The following CYP4A22 variants were observed in gnomAD, a reference collection of about 807,000 sequenced individuals.
CYP4A22 encodes the protein cytochrome P450 4A22.
A neutral mutation model predicts 56.2 loss-of-function variants in CYP4A22; 46 were observed. The ratio of observed to expected loss-of-function variants is 0.82; its 90% CI spans 0.65 to 1.05. The LOEUF (loss-of-function observed/expected upper bound fraction) is 1.05, where lower values mean the gene tolerates loss of function less well. Ranked by LOEUF, CYP4A22 falls within the 50% of genes least tolerant of loss-of-function variation. The probability of loss-of-function intolerance (pLI) is 0.00; values close to 1 mark genes in which losing one functional copy is unlikely to be tolerated. For synonymous variants in CYP4A22, 193 were observed against 251.1 expected (o/e 0.77, Z 2.19); for missense variants, 541 against 645.9 (o/e 0.84, Z 1.76).
At position 47,148,661 on chromosome 1, in the gene CYP4A22, T is replaced by C; in HGVS notation, c.1424T>C (p.Leu475Pro). The C allele has an allele frequency of 6.2e-7, 1 of 1,614,096 alleles. No homozygotes were observed. Among genetic ancestry groups the C allele is most frequent in the Non-Finnish European group, 8.5e-7 (1 of 1,179,968 alleles). The change falls in exon 12 of 12, where the codon CTG (leucine) becomes CCG (proline). Residue 475 changes from leucine (L) to proline (P), a missense_variant. Transcript: ENST00000371891. ...NQLKVARALT[L>P]LRFELLPDPT... is the part of the protein sequence containing the mutation. Reference sequence around the variant, plus strand: ...CTGAAGGTGGCCAGGGCCCTGACCCTGCTCCGCTTTGAGCTGCTGCCTGAT... The same window carrying C: ...CTGAAGGTGGCCAGGGCCCTGACCCCGCTCCGCTTTGAGCTGCTGCCTGAT...
rs1454620087 is a variant in CYP4A22, at chr1:47,144,855, G to A, written c.1107G>A (p.Met369Ile). ...GTTTCAGGAACCACCTGGACCAGAT[G>A]CCCTACACCACCATGTGCATTAAGG... ...ASITWNHLDQMPYTTMCIKEA... is the reference protein window; with the variant it reads ...ASITWNHLDQIPYTTMCIKEA... The change falls in exon 9 of 12, where the codon ATG becomes ATA. Residue 369 changes from methionine to isoleucine, a missense_variant. Around this residue, in one of 3 missense-constraint regions of CYP4A22, gnomAD observed 204 missense variants for 258.9 expected, o/e 0.79. Transcript: ENST00000371891. 6.2e-7 allele frequency: 1 copy of A among 1,613,976 alleles called. No individual in the cohort carries two copies. Among genetic ancestry groups the A allele is most frequent in the South Asian group, 1.1e-5 (1 of 91,048 alleles).
rs764489470 is a variant in CYP4A22 at position 47,148,633 on chromosome 1, C to T, written c.1396C>T (p.Gln466Ter). The T allele has an allele frequency of 1.2e-6, 2 of 1,612,388 alleles. No individual in the cohort carries two copies. Among genetic ancestry groups the T allele is most frequent in the African/African-American group, 2.7e-5 (2 of 74,828 alleles). ...NCIGKQFAMNQLKVARALTLL... is the reference protein window; with the variant it reads ...NCIGKQFAMN Reference sequence around the variant, plus strand: ...CATCGGGAAACAATTTGCCATGAACCAGCTGAAGGTGGCCAGGGCCCTGAC... The same window carrying T: ...CATCGGGAAACAATTTGCCATGAACTAGCTGAAGGTGGCCAGGGCCCTGAC... The change falls in exon 12 of 12, where the codon CAG becomes TAG. Residue 466 changes from glutamine to a stop codon, truncating the protein, a stop_gained. Coordinates refer to ENST00000371891, the MANE Select transcript of CYP4A22 (RefSeq NM_001010969.4). LOFTEE classifies it low-confidence loss of function (END_TRUNC).
chr1:47,137,974 T>C (rs1281760957), intron 1 of CYP4A22, among the ~76,000 whole-genome samples: 2 of 152,160 alleles, frequency 1.3e-5, no homozygotes, highest in Admixed American at 6.5e-5. Context: ...CCAGACTGAT[T>C]ACCCCATAAG....
intron 3 of CYP4A22, 114 bp from the exon 4 acceptor site, chr1:47,141,994 T>C (rs1457885665): frequency 2.1e-5 from 31 of 1,463,548 alleles, no homozygotes; most frequent in Non-Finnish European, 2.8e-5. Flanking sequence ...TGGCTTCTTC[T>C]GGATAGTTCT....
intron 9 of CYP4A22, 74 bp from the exon 10 acceptor site, chr1:47,145,792 C>T: frequency 6.3e-7 from 1 of 1,595,140 alleles, no homozygotes; most frequent in Non-Finnish European, 8.5e-7. Context: ...CCTTCTTTTG[C>T]CCCTGCAGGC....
At chr1:47,143,660 T>G (rs1645039162) in intron 5 of CYP4A22, 102 bp from the exon 6 acceptor site, 1 of 1,469,998 alleles carries the variant, frequency 6.8e-7, no homozygotes, top group Non-Finnish European at 9.1e-7. Context: ...GCCTCAAGGC[T>G]GCTTGTCCCC....
chr1:47,141,875 C>T (rs12404941), intron 3 of CYP4A22, among the ~76,000 whole-genome samples: 1 of 152,030 alleles, frequency 6.6e-6, no homozygotes, highest in Non-Finnish European at 1.5e-5. Context: ...TGCCCACAAC[C>T]CTTTTCAACC....
In CYP4A22 at chr1:47,145,930, G is replaced by C. The variant is rs1457976430; in HGVS notation, c.1287G>C (p.Glu429Asp). 1 of 1,613,944 alleles carries C rather than the reference G, an allele frequency of 6.2e-7. No individual in the cohort carries two copies. The highest frequency in any genetic ancestry group is 8.5e-7 in the Non-Finnish European group (1 of 1,180,020). Residue 429 changes from glutamate (E) to aspartate (D), a missense_variant and splice_region_variant, in exon 10 of 12, where the codon GAG becomes GAC. Around this residue, in one of 3 missense-constraint regions of CYP4A22, gnomAD observed 204 missense variants for 258.9 expected, o/e 0.79. Coordinates refer to ENST00000371891, the MANE Select transcript of CYP4A22 (RefSeq NM_001010969.4). ...ACCCAAAAGTGTGGCCCAACCTAGA[G>C]GTATGTGGTCCTTGAGAGGAGGAAA... Reference protein sequence around the residue: ...HHNPKVWPNLEVFDPSRFAPG... With the variant: ...HHNPKVWPNLDVFDPSRFAPG...
intron 3 of CYP4A22, 30 bp from the exon 4 acceptor site, chr1:47,142,078 C>T (rs1207548012): frequency 1.2e-6 from 2 of 1,600,870 alleles, no homozygotes; most frequent in Non-Finnish European, 1.7e-6. Context: ...CTCTGATACA[C>T]ACACATACAC....
intron 11 of CYP4A22, chr1:47,147,509 G>C (rs754838313): frequency 3.6e-5 from 31 of 868,782 alleles, no homozygotes; most frequent in Non-Finnish European, 4.1e-5. Flanking sequence ...GACACACATC[G>C]TTCCATCAAC....
chr1:47,147,263 G>A lies in CYP4A22; in HGVS notation c.1364+1110G>A, dbSNP rs181870582. The A allele has an allele frequency of 2.0e-3, 1,980 of 985,450 alleles. 3 individuals carry two copies. The highest frequency in any genetic ancestry group is 2.3e-3 in the Non-Finnish European group (1,872 of 829,940). 61.0% of individuals were successfully genotyped at this position (985,450 alleles called of 1,614,324 possible). ...CTTGTAAACATTGCCTGCAAATCATGTCGCTGCCACTAGAGAACCGGAGAG... is the reference window on the plus strand; with the variant it reads ...CTTGTAAACATTGCCTGCAAATCATATCGCTGCCACTAGAGAACCGGAGAG... On this transcript the variant is annotated intron_variant, in intron 11 of 11. Transcript: ENST00000371891.
intron 11 of CYP4A22, 136 bp from the exon 12 acceptor site, chr1:47,148,466 G>C: frequency 1.6e-6 from 2 of 1,250,080 alleles, no homozygotes; most frequent in Non-Finnish European, 2.2e-6. Flanking sequence ...TCCGTGGGCT[G>C]TAAGTGTGCA....
At position 47,148,745 on chromosome 1, in the gene CYP4A22, AC is replaced by A; in HGVS notation, c.1510del (p.Leu504CysfsTer101). On this transcript the variant is annotated frameshift_variant, in exon 12 of 12. Coordinates refer to ENST00000371891, the MANE Select transcript of CYP4A22 (RefSeq NM_001010969.4). LOFTEE classifies it low-confidence loss of function (END_TRUNC). ...RLVLKSKNGI[H>X]LRLRRLPNPC... is the part of the protein sequence containing the mutation. ...GTGTTGAAATCCAAAAATGGAATCC[AC>A]CTGCGTCTCAGGAGGCTCCCTAACC... 6.2e-7 allele frequency: 1 copy of A among 1,613,768 alleles called. No individual in the cohort carries two copies.
rs968322 is a variant in CYP4A22, at chr1:47,144,621, C to T, written c.969C>T (p.His323=). Residue 323 remains histidine, a synonymous_variant, in exon 8 of 12, where the codon CAC becomes CAT. Coordinates refer to ENST00000371891, the MANE Select transcript of CYP4A22 (RefSeq NM_001010969.4). ...TGGACACGTTCATGTTTGAGGGCCA[C>T]GACACCACAGCCAGTGGGATCTCCT... ...AEVDTFMFEG[H]DTTASGISWI... The T allele has an allele frequency of 0.18, 242,528 of 1,364,546 alleles. 7,070 individuals carry two copies. Among genetic ancestry groups the T allele is most frequent in the East Asian group, 0.36 (14,152 of 39,016 alleles). The allele number at this position is 1,364,546 out of a possible 1,614,324, so 84.5% of individuals were successfully genotyped here.
Position 47,148,658 on chromosome 1 carries a change from C to T in CYP4A22, c.1421C>T (p.Thr474Ile), listed in dbSNP as rs752306468. The change falls in exon 12 of 12, where the codon ACC (threonine) becomes ATC (isoleucine). Residue 474 changes from threonine to isoleucine, a missense_variant. By Grantham distance (89) the Thr-to-Ile change is moderately conservative. This residue lies in a region of CYP4A22 where 204 missense variants were observed against 258.9 expected (regional missense o/e 0.79). Coordinates refer to ENST00000371891, the MANE Select transcript of CYP4A22 (RefSeq NM_001010969.4). Reference sequence around the variant, plus strand: ...CAGCTGAAGGTGGCCAGGGCCCTGACCCTGCTCCGCTTTGAGCTGCTGCCT... The same window carrying T: ...CAGCTGAAGGTGGCCAGGGCCCTGATCCTGCTCCGCTTTGAGCTGCTGCCT... ...MNQLKVARAL[T>I]LLRFELLPDP... 2.0e-5 allele frequency: 33 copies of T among 1,613,988 alleles called. No homozygotes were observed. The highest frequency in any genetic ancestry group is 2.5e-5 in the Non-Finnish European group (30 of 1,179,980).
chr1:47,145,117 AT>A, intron 9 of CYP4A22, 147 bp downstream of exon 9: 1 of 1,391,930 alleles, frequency 7.2e-7, no homozygotes, highest in Non-Finnish European at 9.5e-7. Flanking sequence ...TTTAGGATGA[AT>A]TTGAAAAGTC....
Position 47,146,073 on chromosome 1 carries a change from G to A in CYP4A22, c.1288-4G>A, listed in dbSNP as rs754196938. The A allele has an allele frequency of 6.2e-7, 1 of 1,614,180 alleles. No individual in the cohort carries two copies. On this transcript the variant is annotated splice_region_variant and splice_polypyrimidine_tract_variant and intron_variant, in intron 10 of 11. Coordinates refer to ENST00000371891, the MANE Select transcript of CYP4A22 (RefSeq NM_001010969.4). ...CTATCCTGGCTCTGGTGCTCTCTCT[G>A]CAGGTGTTTGACCCTTCCCGTTTTG...
intron 6 of CYP4A22, among the ~76,000 whole-genome samples, 166 bp downstream of exon 6, chr1:47,144,082 G>A (rs1302693479): frequency 6.6e-6 from 1 of 152,222 alleles, no homozygotes; most frequent in Non-Finnish European, 1.5e-5. Flanking sequence ...TGAGGGGCCG[G>A]ATTCTGTGCC....
At position 47,139,543 on chromosome 1, in the gene CYP4A22, C is replaced by T. The variant is rs528157786; in HGVS notation, c.196-1237C>T. On this transcript the variant is annotated intron_variant, in intron 1 of 11. Coordinates refer to ENST00000371891, the MANE Select transcript of CYP4A22 (RefSeq NM_001010969.4). ...GCCTCTAATCTTCCTTACCCCCCAA[C>T]TAGACTGAAAATTCCACACAGATAA... Among the ~76,000 whole-genome samples the T allele has an allele frequency of 1.6e-4, 25 of 152,336 alleles. No homozygotes were observed. The South Asian group carries it at 4.1e-3, about 25-fold the overall frequency.
Sources: gnomAD v4.1 joint callset for allele counts (sites outside exome capture counted in the v4.1 genomes callset) on GRCh38, gnomAD v4.1.1 for gene constraint, gnomAD v4.1.1 regional missense constraint, MANE v1.5 for transcripts, NCBI Gene and HGNC (gene_info 2026-07-23, HGNC 2026-07-21) for gene names.